Variants in WDFY2 observed in about 807,000 individuals in gnomAD.
WDFY2 encodes the protein WD repeat and FYVE domain containing 2, also known as WD repeat and FYVE domain-containing protein 2.
WDFY2 carries 36 observed loss-of-function variants against 56.4 expected under a neutral mutation model. The ratio of observed to expected loss-of-function variants is 0.64; its 90% CI spans 0.49 to 0.84. The LOEUF (loss-of-function observed/expected upper bound fraction) is 0.84. WDFY2 is among the 40% of genes least tolerant of loss of function. WDFY2 has a pLI of 0.00. For synonymous variants in WDFY2, 176 were observed against 183.7 expected, an observed-to-expected ratio of 0.96 and a Z score of 0.34; for missense variants, 444 against 512.2, an observed-to-expected ratio of 0.87 and a Z score of 1.29.
At chr13:51,685,632 C>G (rs890383012) in intron 3 of WDFY2, among the ~76,000 whole-genome samples, 17 of 152,092 alleles carry the variant, frequency 1.1e-4, no homozygotes, top group African/African-American at 4.1e-4. Context: ...CATCTTCATC[C>G]TATTCACGTT....
intron 1 of WDFY2, among the ~76,000 whole-genome samples, chr13:51,648,360 A>T (rs943655631): frequency 6.6e-6 from 1 of 152,196 alleles, no homozygotes; most frequent in African/African-American, 2.4e-5. Context: ...GACAGTGGAC[A>T]GGTAGGTTGG....
In WDFY2 at chr13:51,695,753, C is replaced by T. The variant is rs1000050857; in HGVS notation, c.280-7843C>T. The stretch of plus-strand genomic sequence containing the variant: ...ACATTTAAGTCTGCAGAGGTTACTG[C>T]TGTCTTTTTGTTTGTCTGCCCCCAG... On this transcript the variant is annotated intron_variant, in intron 3 of 11. Coordinates refer to ENST00000298125, the MANE Select transcript of WDFY2 (RefSeq NM_052950.4). 2.2e-4 allele frequency among the ~76,000 whole-genome samples: 34 copies of T among 152,356 alleles called. 1 individual carries two copies. Among genetic ancestry groups the T allele is most frequent in the Middle Eastern group, 3.4e-3 (1 of 294 alleles).
At chr13:51,713,611 G>A (rs116039104) in intron 4 of WDFY2, among the ~76,000 whole-genome samples, 20,205 of 152,062 alleles carry the variant, frequency 0.13, 1,830 homozygotes, top group African/African-American at 0.23. Flanking sequence ...AGTGGCTCAC[G>A]CCTGTAATCC....
chr13:51,611,900 C>T (rs1266335694), intron 1 of WDFY2, among the ~76,000 whole-genome samples: 2 of 152,132 alleles, frequency 1.3e-5, no homozygotes, highest in Non-Finnish European at 2.9e-5. Context: ...AATGTGACTA[C>T]TTGGAGCTAC....
At chr13:51,633,586 C>T (rs777224855) in intron 1 of WDFY2, among the ~76,000 whole-genome samples, 1 of 152,146 alleles carries the variant, frequency 6.6e-6, no homozygotes, top group Non-Finnish European at 1.5e-5. Flanking sequence ...TTCCTGTTAG[C>T]TCTTCTCAAG....
chr13:51,749,465 C>T (rs932289087), intron 7 of WDFY2, among the ~76,000 whole-genome samples: 1 of 152,042 alleles, frequency 6.6e-6, no homozygotes, highest in Non-Finnish European at 1.5e-5. Context: ...ACCAGAGAAA[C>T]TAATTTATAT....
intron 1 of WDFY2, among the ~76,000 whole-genome samples, chr13:51,617,764 A>G (rs1707462044): frequency 6.6e-6 from 1 of 152,220 alleles, no homozygotes; most frequent in African/African-American, 2.4e-5. Flanking sequence ...AAGAAATTTC[A>G]AGTCATATGT....
chr13:51,757,399 A>G (rs1053033185), intron 10 of WDFY2, among the ~76,000 whole-genome samples: 1 of 152,162 alleles, frequency 6.6e-6, no homozygotes, highest in African/African-American at 2.4e-5. Context: ...CTAAAAATTT[A>G]AAGTAACCAT....
In WDFY2 at chr13:51,751,353, T is replaced by C. The variant is rs762169350; in HGVS notation, c.769T>C (p.Leu257=). ...ALSYAQHTRQ[L]ISCGGDGGIV... The stretch of plus-strand genomic sequence containing the variant: ...CTCCTATGCACAGCACACGCGACAA[T>C]TGATCTCCTGTGGCGGTGATGGTGG... The change falls in exon 8 of 12, where the codon TTG becomes CTG. Residue 257 remains leucine (L), a synonymous_variant. Coordinates refer to ENST00000298125, the MANE Select transcript of WDFY2 (RefSeq NM_052950.4). The C allele has an allele frequency of 3.1e-6, 5 of 1,614,038 alleles. No individual in the cohort carries two copies. Among genetic ancestry groups the C allele is most frequent in the Admixed American group, 3.3e-5 (2 of 60,016 alleles).
chr13:51,617,973 C>G (rs1388082624), intron 1 of WDFY2, among the ~76,000 whole-genome samples: 1 of 152,216 alleles, frequency 6.6e-6, no homozygotes, highest in Non-Finnish European at 1.5e-5. Context: ...CATCATTATT[C>G]AGCAGCCTTG....
intron 7 of WDFY2, among the ~76,000 whole-genome samples, chr13:51,744,040 G>A (rs534764919): frequency 2.0e-5 from 3 of 152,168 alleles, no homozygotes; most frequent in African/African-American, 7.2e-5. Flanking sequence ...CCTGGCAGTG[G>A]GCCAAGGATC....
intron 3 of WDFY2, among the ~76,000 whole-genome samples, chr13:51,691,234 C>G (rs2138544926): frequency 6.6e-6 from 1 of 152,138 alleles, no homozygotes; most frequent in South Asian, 2.1e-4. Context: ...TCTTTTGTTG[C>G]CATTGCTTTT....
At chr13:51,666,120 T>A (rs765304291) in intron 2 of WDFY2, among the ~76,000 whole-genome samples, 3 of 152,222 alleles carry the variant, frequency 2.0e-5, no homozygotes, top group Non-Finnish European at 2.9e-5. Context: ...AACTGCTTAC[T>A]TCCCAGTTTT....
chr13:51,624,802 A>G (rs1163484773), intron 1 of WDFY2, among the ~76,000 whole-genome samples: 2 of 152,204 alleles, frequency 1.3e-5, no homozygotes, highest in African/African-American at 4.8e-5. Flanking sequence ...CTCTGGGGCT[A>G]TTTGGACATG....
At chr13:51,630,559 T>C (rs147038897) in intron 1 of WDFY2, among the ~76,000 whole-genome samples, 580 of 152,164 alleles carry the variant, frequency 3.8e-3, no homozygotes, top group Non-Finnish European at 6.5e-3. Flanking sequence ...TGTGGCACTT[T>C]TGCACACATT....
chr13:51,676,843 T>C (rs992330797), intron 3 of WDFY2, among the ~76,000 whole-genome samples: 2 of 152,198 alleles, frequency 1.3e-5, no homozygotes, highest in African/African-American at 4.8e-5. Context: ...GGGAGATCAT[T>C]ATTCAGTGGA....
chr13:51,660,693 C>T (rs746863505), intron 2 of WDFY2, 30 bp downstream of exon 2: 4 of 1,597,872 alleles, frequency 2.5e-6, no homozygotes, highest in Middle Eastern at 1.7e-4. Context: ...TCTTGAAAAA[C>T]CAGACATGTC....
chr13:51,719,297 G>A lies in WDFY2; in HGVS notation c.434G>A (p.Ser145Asn), dbSNP rs757407674. The change falls in exon 5 of 12, where the codon AGT becomes AAT. Residue 145 changes from serine to asparagine, a missense_variant. Coordinates refer to ENST00000298125, the MANE Select transcript of WDFY2 (RefSeq NM_052950.4). ...CAATTTGCCTGGCACTGCTCTGAGA[G>A]TGGGCAGCGCCTGGGAGGTTATCGG... ...DKQFAWHCSESGQRLGGYRTS... is the reference protein window; with the variant it reads ...DKQFAWHCSENGQRLGGYRTS... 6.2e-7 allele frequency: 1 copy of A among 1,613,888 alleles called. No homozygotes were observed. The highest frequency in any genetic ancestry group is 2.2e-5 in the East Asian group (1 of 44,892).
At chr13:51,658,352 TA>T (rs1249824182) in intron 1 of WDFY2, among the ~76,000 whole-genome samples, 1 of 152,208 alleles carries the variant, frequency 6.6e-6, no homozygotes, top group African/African-American at 2.4e-5. Flanking sequence ...CCTTCAGCCC[TA>T]AGGGTTTGAA....
Sources: gnomAD v4.1 joint callset for allele counts (sites outside exome capture counted in the v4.1 genomes callset) on GRCh38, gnomAD v4.1.1 for gene constraint, MANE v1.5 for transcripts, NCBI Gene and HGNC (gene_info 2026-07-23, HGNC 2026-07-21) for gene names.